The following WDHD1 variants were observed in gnomAD, a reference collection of about 807,000 sequenced individuals.
WDHD1 encodes WD repeat and HMG-box DNA binding protein 1.
Under a neutral mutation model 135.4 loss-of-function variants are expected in WDHD1, and 111 were observed. The observed-to-expected ratio is 0.82, with a 90% CI of 0.70 to 0.96. The LOEUF is 0.96. Among genes scored for constraint, WDHD1 ranks in the 40% least tolerant of loss-of-function variants. The pLI, the probability that WDHD1 is intolerant of heterozygous loss-of-function variation, is 0.00. For synonymous variants in WDHD1, 434 were observed against 439.0 expected, an observed-to-expected ratio of 0.99 and a Z score of 0.14; for missense variants, 1,351 against 1,336.3, an observed-to-expected ratio of 1.01 and a Z score of -0.17.
chr14:54,947,640 G>A (rs2040950940), intron 24 of WDHD1, among the ~76,000 whole-genome samples: 1 of 152,026 alleles, frequency 6.6e-6, no homozygotes, highest in Non-Finnish European at 1.5e-5. Context: ...TGCCCAGGCT[G>A]GAGTGCAGTG....
chr14:54,983,860 T>C (rs1442815907), intron 15 of WDHD1, among the ~76,000 whole-genome samples: 3 of 152,144 alleles, frequency 2.0e-5, no homozygotes, highest in Non-Finnish European at 4.4e-5. Context: ...ATGAAGTTAA[T>C]GTTAATAATA....
chr14:54,981,957 T>A (rs73266045), intron 15 of WDHD1, among the ~76,000 whole-genome samples: 13,609 of 152,036 alleles, frequency 0.09, 699 homozygotes, highest in South Asian at 0.16. Flanking sequence ...CAGTGAAAAC[T>A]ATGCCACCTG....
intron 25 of WDHD1, among the ~76,000 whole-genome samples, chr14:54,943,572 A>T (rs1043997569): frequency 2.6e-5 from 4 of 151,880 alleles, no homozygotes; most frequent in Admixed American, 2.6e-4. Flanking sequence ...CTAATTTTTA[A>T]ATTTTTGTAG....
At chr14:54,964,781 C>T (rs2140170366) in intron 18 of WDHD1, among the ~76,000 whole-genome samples, 1 of 152,276 alleles carries the variant, frequency 6.6e-6, no homozygotes, top group East Asian at 1.9e-4. Flanking sequence ...ATCCTCCTGC[C>T]CTGGCATCTT....
intron 23 of WDHD1, 119 bp from the exon 24 acceptor site, chr14:54,955,813 G>T (rs1037671806): frequency 7.5e-6 from 7 of 933,388 alleles, no homozygotes; most frequent in Admixed American, 8.9e-5. Flanking sequence ...ATACTAACAT[G>T]TGAAATCTGG....
Position 54,957,611 on chromosome 14 carries a change from C to A in WDHD1, c.2726G>T (p.Gly909Val). ...GTTTACCTTAAAGGGATTTACTCGTCCTTGGCTGCTAAAGGTAACTGCACC... is the reference window on the plus strand; with the variant it reads ...GTTTACCTTAAAGGGATTTACTCGTACTTGGCTGCTAAAGGTAACTGCACC... Reference protein sequence around the residue: ...KSGAVTFSSQGRVNPFKVSAS... With the variant: ...KSGAVTFSSQVRVNPFKVSAS... Residue 909 changes from glycine (G) to valine (V), a missense_variant, in exon 22 of 26, where the codon GGA becomes GTA. By Grantham distance (109) the Gly-to-Val change is moderately radical. This residue lies in a region of WDHD1 where 1,330 missense variants were observed against 1,296.1 expected (regional missense o/e 1.03). Transcript: ENST00000360586. The A allele has an allele frequency of 1.9e-6, 3 of 1,607,116 alleles. No homozygotes were observed. The highest frequency in any genetic ancestry group is 2.7e-5 in the African/African-American group (2 of 74,554).
intron 2 of WDHD1, among the ~76,000 whole-genome samples, chr14:55,025,558 TC>T: frequency 6.6e-6 from 1 of 152,358 alleles, no homozygotes; most frequent in East Asian, 1.9e-4. Flanking sequence ...GTGCTCCTTT[TC>T]CAATTCATCC....
chr14:54,944,264 C>T (rs963032607), intron 25 of WDHD1, 68 bp downstream of exon 25: 19 of 1,582,974 alleles, frequency 1.2e-5, no homozygotes, highest in Non-Finnish European at 1.5e-5. Flanking sequence ...AGCCAAAAGG[C>T]ATTTCTATAA....
At chr14:55,025,201 C>T (rs1324974695) in intron 2 of WDHD1, among the ~76,000 whole-genome samples, 3 of 146,454 alleles carry the variant, frequency 2.0e-5, no homozygotes, top group Non-Finnish European at 4.5e-5. Flanking sequence ...AAAAGCACAG[C>T]GCTTAATCCT....
chr14:54,995,868 A>T (rs929505988), intron 10 of WDHD1, 55 bp from the exon 11 acceptor site: 63 of 1,381,460 alleles, frequency 4.6e-5, no homozygotes, highest in Non-Finnish European at 6.0e-5. Flanking sequence ...AGAAAAACTC[A>T]ATTACTAAAA....
intron 16 of WDHD1, among the ~76,000 whole-genome samples, chr14:54,975,717 G>C (rs1022662274): frequency 4.0e-5 from 6 of 151,336 alleles, no homozygotes; most frequent in African/African-American, 1.5e-4. Flanking sequence ...TTTTTTTAAA[G>C]AGACGGGGTT....
At chr14:54,989,944 G>A (rs868119490) in intron 12 of WDHD1, among the ~76,000 whole-genome samples, 2 of 152,118 alleles carry the variant, frequency 1.3e-5, no homozygotes, top group African/African-American at 2.4e-5. Flanking sequence ...GATTATAGGC[G>A]TGAGCCATCA....
chr14:54,969,347 A>G (rs1355429064), intron 16 of WDHD1, among the ~76,000 whole-genome samples: 6 of 151,274 alleles, frequency 4.0e-5, no homozygotes, highest in South Asian at 2.1e-4. Context: ...TTTCAAGAAA[A>G]AAAAAAAAAA....
chr14:54,994,283 T>C, intron 11 of WDHD1, among the ~76,000 whole-genome samples: 1 of 152,204 alleles, frequency 6.6e-6, no homozygotes, highest in Middle Eastern at 3.2e-3. Flanking sequence ...AGAAAATTCG[T>C]CTATTTCATT....
chr14:54,945,888 A>G (rs2040916023), intron 24 of WDHD1, among the ~76,000 whole-genome samples: 1 of 152,194 alleles, frequency 6.6e-6, no homozygotes, highest in Non-Finnish European at 1.5e-5. Flanking sequence ...CACTAGGCTG[A>G]ACCTAAATGA....
chr14:54,977,624 G>A (rs2041546453), intron 16 of WDHD1, among the ~76,000 whole-genome samples: 1 of 152,044 alleles, frequency 6.6e-6, no homozygotes, highest in South Asian at 2.1e-4. Flanking sequence ...ATTTAAAAAA[G>A]GACTCTTGTT....
intron 16 of WDHD1, among the ~76,000 whole-genome samples, chr14:54,981,020 A>C (rs2041610669): frequency 6.6e-6 from 1 of 151,548 alleles, no homozygotes; most frequent in Non-Finnish European, 1.5e-5. Context: ...CTGAGGCAGG[A>C]GAATGGTGTG....
At chr14:54,945,267 C>T (rs2040904149) in intron 24 of WDHD1, among the ~76,000 whole-genome samples, 1 of 152,224 alleles carries the variant, frequency 6.6e-6, no homozygotes, top group South Asian at 2.1e-4. Flanking sequence ...TTAGATTCCA[C>T]TCACAATACA....
At chr14:54,984,371 T>A (rs1390294429) in intron 15 of WDHD1, among the ~76,000 whole-genome samples, 1 of 152,162 alleles carries the variant, frequency 6.6e-6, no homozygotes, top group Non-Finnish European at 1.5e-5. Flanking sequence ...GGCACATGCC[T>A]GTAGTCCCAG....
Sources: gnomAD v4.1 joint callset for allele counts (sites outside exome capture counted in the v4.1 genomes callset) on GRCh38, gnomAD v4.1.1 for gene constraint, gnomAD v4.1.1 regional missense constraint, MANE v1.5 for transcripts, NCBI Gene and HGNC (gene_info 2026-07-23, HGNC 2026-07-21) for gene names.